DRC7: variants seen among roughly 807,000 people sequenced by gnomAD.
DRC7 encodes coiled-coil domain containing 135.
DRC7 carries 80 observed loss-of-function variants against 104.4 expected under a neutral mutation model. The ratio of observed to expected loss-of-function variants is 0.77; its 90% CI spans 0.64 to 0.92. The LOEUF is 0.92. Among genes scored for constraint, DRC7 ranks in the 40% least tolerant of loss-of-function variants. The pLI is 0.00. For missense variants in DRC7, 1,034 were observed against 1,141.1 expected (o/e 0.91, Z 1.35); for synonymous variants, 405 against 447.3 (o/e 0.91, Z 1.19).
In DRC7 at chr16:57,722,837, G is replaced by A. The variant is rs1421972334; in HGVS notation, c.1404G>A (p.Leu468=). 1 of 1,613,762 alleles carries A rather than the reference G, an allele frequency of 6.2e-7. No individual in the cohort carries two copies. The highest frequency in any genetic ancestry group is 1.1e-5 in the South Asian group (1 of 91,084). Residue 468 remains leucine, a synonymous_variant, in exon 11 of 19, where the codon TTG becomes TTA. Coordinates refer to ENST00000360716, the MANE Select transcript of DRC7 (RefSeq NM_001289162.2). ...GCCGCCTCACCACCTATGAGGACTT[G>A]CAGTGTAAGGGGGATTGCTCTGGAC... ...LVSRLTTYED[L]QCTNILEIKE... is the part of the protein sequence containing the mutation.
At chr16:57,722,632 G>A in intron 10 of DRC7, 81 bp from the exon 11 acceptor site, 3 of 1,578,242 alleles carry the variant, frequency 1.9e-6, no homozygotes, top group Non-Finnish European at 2.6e-6. Context: ...AACGGGCAGT[G>A]GATGGATGAA....
intron 7 of DRC7, among the ~76,000 whole-genome samples, chr16:57,707,054 T>A (rs1008040784): frequency 6.6e-6 from 1 of 152,202 alleles, no homozygotes; most frequent in Non-Finnish European, 1.5e-5. Flanking sequence ...TGAGCTTCTT[T>A]TCTGGTCCAG....
At chr16:57,716,396 A>G (rs62039921) in intron 8 of DRC7, among the ~76,000 whole-genome samples, 9,146 of 151,602 alleles carry the variant, frequency 0.06, 566 homozygotes, top group East Asian at 0.23. Context: ...CCAGCTACTC[A>G]GGAGGCTGAG....
In DRC7 at chr16:57,726,066, A is replaced by G. The variant is rs764961316; in HGVS notation, c.1759-2A>G. The G allele has an allele frequency of 1.9e-6, 3 of 1,612,452 alleles. No individual in the cohort carries two copies. The highest frequency in any genetic ancestry group is 2.5e-6 in the Non-Finnish European group (3 of 1,179,472). ...CATCCTTTGCATGTTCTGGCCTCCCAGAAAATCACAGAGCGGTTCTTCCGC... is the reference window on the plus strand; with the variant it reads ...CATCCTTTGCATGTTCTGGCCTCCCGGAAAATCACAGAGCGGTTCTTCCGC... On this transcript the variant is annotated splice_acceptor_variant, in intron 13 of 18. Coordinates refer to ENST00000360716, the MANE Select transcript of DRC7 (RefSeq NM_001289162.2). LOFTEE classifies it high-confidence loss of function.
chr16:57,712,605 T>C (rs1270845113), intron 8 of DRC7, among the ~76,000 whole-genome samples: 1 of 152,224 alleles, frequency 6.6e-6, no homozygotes, highest in East Asian at 1.9e-4. Context: ...TACTTTGAGC[T>C]TCATTTACTT....
At chr16:57,728,773 G>A (rs370869570) in intron 17 of DRC7, among the ~76,000 whole-genome samples, 189 bp downstream of exon 17, 2 of 145,134 alleles carry the variant, frequency 1.4e-5, no homozygotes, top group Non-Finnish European at 3.0e-5. Context: ...TAGATGAATC[G>A]ATAGGGGGAT....
In DRC7 at chr16:57,727,396, A is replaced by T; in HGVS notation, c.2183A>T (p.Tyr728Phe). 1 of 1,612,832 alleles carries T rather than the reference A, an allele frequency of 6.2e-7. No homozygotes were observed. The highest frequency in any genetic ancestry group is 8.5e-7 in the Non-Finnish European group (1 of 1,179,400). Residue 728 changes from tyrosine (Y) to phenylalanine (F), a missense_variant, in exon 16 of 19, where the codon TAT becomes TTT. Transcript: ENST00000360716. ...AAGCGGAATGAGAAGAGCAAGGAAT[A>T]TCGGGAGGCCATGGTCAGTCCCAAT... ...DTKRNEKSKE[Y>F]REAMERMMHE... is the part of the protein sequence containing the mutation.
intron 17 of DRC7, among the ~76,000 whole-genome samples, 194 bp from the exon 18 acceptor site, chr16:57,730,737 G>GACC (rs2049051975): frequency 6.6e-6 from 1 of 151,956 alleles, no homozygotes; most frequent in Admixed American, 6.6e-5. Context: ...CTATAAACAT[G>GACC]ACCCCACTGG....
rs544561029 is a variant in DRC7, at chr16:57,717,868, C to T, written c.1078-479C>T. Among the ~76,000 whole-genome samples the T allele has an allele frequency of 3.2e-4, 49 of 152,264 alleles. No homozygotes were observed. The East Asian group carries it at 7.3e-3, about 23-fold the overall frequency. ...CCACCTGCATCTTATGTATAACTTC[C>T]ACGTGTGCCTGCCTATTTCCCTTGT... is the stretch of plus-strand genomic sequence containing the variant. On this transcript the variant is annotated intron_variant, in intron 8 of 18. Coordinates refer to ENST00000360716, the MANE Select transcript of DRC7 (RefSeq NM_001289162.2).
rs564258325 is a variant in DRC7, at chr16:57,724,831, T to C, written c.1754T>C (p.Ile585Thr). The change falls in exon 13 of 19, where the codon ATT (isoleucine) becomes ACT (threonine). Residue 585 changes from isoleucine (I) to threonine (T), a missense_variant. Ile to Thr is a moderately conservative substitution (Grantham distance 89, BLOSUM62 -1). Transcript: ENST00000360716. ...AGTGCAGAGTCAAACCCCCGGCCCA[T>C]TGTGGTAAGAGCTCGCGGGGGCTGG... ...LSSAESNPRP[I>T]VKITERFFRN... 86 of 1,612,208 alleles carry C rather than the reference T, an allele frequency of 5.3e-5. No homozygotes were observed. The highest frequency in any genetic ancestry group is 5.0e-4 in the Middle Eastern group (3 of 6,060).
chr16:57,699,716 T>A (rs986472393), intron 4 of DRC7, among the ~76,000 whole-genome samples: 1 of 152,090 alleles, frequency 6.6e-6, no homozygotes, highest in South Asian at 2.1e-4. Flanking sequence ...GAGAGCACAG[T>A]GCTCCCAGGA....
intron 8 of DRC7, among the ~76,000 whole-genome samples, chr16:57,713,234 A>G (rs2048806901): frequency 6.6e-6 from 1 of 152,242 alleles, no homozygotes; most frequent in Non-Finnish European, 1.5e-5. Flanking sequence ...TGTTCTATAA[A>G]TGTCAATAAT....
In DRC7 at chr16:57,727,408, T is replaced by C; in HGVS notation, c.2195T>C (p.Met732Thr). 1 of 1,610,056 alleles carries C rather than the reference T, an allele frequency of 6.2e-7. No homozygotes were observed. The highest frequency in any genetic ancestry group is 1.7e-4 in the Middle Eastern group (1 of 6,058). Residue 732 changes from methionine to threonine, a missense_variant and splice_region_variant, in exon 16 of 19, where the codon ATG (methionine) becomes ACG (threonine). By Grantham distance (81) the Met-to-Thr change is moderately conservative (BLOSUM62 -1). Coordinates refer to ENST00000360716, the MANE Select transcript of DRC7 (RefSeq NM_001289162.2). Reference protein sequence around the residue: ...NEKSKEYREAMERMMHEEHLR... With the variant: ...NEKSKEYREATERMMHEEHLR... ...AAGAGCAAGGAATATCGGGAGGCCA[T>C]GGTCAGTCCCAATCCCTTCTCCAGG...
At chr16:57,704,774 C>T (rs967848443) in intron 6 of DRC7, 102 bp from the exon 7 acceptor site, 21 of 1,382,742 alleles carry the variant, frequency 1.5e-5, no homozygotes, top group Non-Finnish European at 1.9e-5. Context: ...AGCTGCCATC[C>T]CCCGGTCTGA....
In DRC7 at chr16:57,712,153, C is replaced by T. The variant is rs2048796633; in HGVS notation, c.1077+4475C>T. ...AGTTCAGCCTTCACCTAGGAATGAA[C>T]AAGGACAGCTTGGAGGTTAGAAGCA... On this transcript the variant is annotated intron_variant, in intron 8 of 18. Transcript: ENST00000360716. 2.6e-5 allele frequency among the ~76,000 whole-genome samples: 4 copies of T among 152,290 alleles called. No homozygotes were observed. In the South Asian group the frequency reaches 6.2e-4, roughly 24 times the overall value.
intron 12 of DRC7, among the ~76,000 whole-genome samples, chr16:57,723,424 G>A (rs577609138): frequency 4.6e-5 from 7 of 152,180 alleles, no homozygotes; most frequent in African/African-American, 7.2e-5. Context: ...GGGGTCACAC[G>A]GTGGAGGCCA....
chr16:57,706,108 T>C (rs1431892478), intron 7 of DRC7, among the ~76,000 whole-genome samples: 12 of 93,294 alleles, frequency 1.3e-4, no homozygotes, highest in Middle Eastern at 0.01. Context: ...ATCCATCCTC[T>C]CATCCATGCT....
Position 57,697,900 on chromosome 16 carries a change from C to A in DRC7, c.-37-13C>A, listed in dbSNP as rs781353755. On this transcript the variant is annotated splice_polypyrimidine_tract_variant and intron_variant, in intron 2 of 18. Coordinates refer to ENST00000360716, the MANE Select transcript of DRC7 (RefSeq NM_001289162.2). ...GACAGTCGGCCATGGAGTATACTTA[C>A]CCTTCCCCACAGAGACATTCCATCT... 3 of 1,588,532 alleles carry A rather than the reference C, an allele frequency of 1.9e-6. No homozygotes were observed. Among genetic ancestry groups the A allele is most frequent in the Admixed American group, 1.7e-5 (1 of 58,504 alleles).
intron 12 of DRC7, 79 bp from the exon 13 acceptor site, chr16:57,724,536 G>A: frequency 2.0e-6 from 2 of 986,672 alleles, no homozygotes; most frequent in South Asian, 1.6e-5. Flanking sequence ...CCTGGGCCTG[G>A]GGTTGGGCGA....
Sources: allele counts gnomAD v4.1 joint callset (sites outside exome capture counted in the v4.1 genomes callset), GRCh38; gene constraint gnomAD v4.1.1; transcripts MANE v1.5; gene names NCBI Gene and HGNC (gene_info 2026-07-23, HGNC 2026-07-21).